Variants in FAM186B observed in about 807,000 individuals in gnomAD.
FAM186B encodes protein FAM186B.
A neutral mutation model predicts 83.4 loss-of-function variants in FAM186B; 68 were observed. The observed-to-expected ratio is 0.81, with a 90% confidence interval of 0.67 to 1.00. The LOEUF (loss-of-function observed/expected upper bound fraction) is 1.00, where lower values mean the gene tolerates loss of function less well. Among genes scored for constraint, FAM186B ranks in the 50% least tolerant of loss-of-function variants. The pLI, the probability that FAM186B is intolerant of heterozygous loss-of-function variation, is 0.00. For synonymous variants in FAM186B, 389 were observed against 422.0 expected, an observed-to-expected ratio of 0.92 and a Z score of 0.96; for missense variants, 983 against 1,099.2, an observed-to-expected ratio of 0.89 and a Z score of 1.49.
At chr12:49,608,334 C>A (rs1592559665), upstream of FAM186B, among the ~76,000 whole-genome samples, 1 of 150,524 alleles carries the variant, frequency 6.6e-6, no homozygotes, top group South Asian at 2.1e-4. Flanking sequence ...CTACTAAAAA[C>A]ATAAAAATTA....
In FAM186B at chr12:49,598,743, C is replaced by T. The variant is rs200370976; in HGVS notation, c.2364+12G>A. ...AGGCGGAGTGGCGGGGGGGTCAGGG[C>T]GGGAGGCCCACCTTGGGGAACATGG... is the stretch of plus-strand genomic sequence containing the variant. On this transcript the variant is annotated intron_variant, in intron 5 of 6. Coordinates refer to ENST00000257894, the MANE Select transcript of FAM186B (RefSeq NM_032130.3). The T allele has an allele frequency of 1.4e-5, 21 of 1,550,816 alleles. No individual in the cohort carries two copies. Among genetic ancestry groups the T allele is most frequent in the East Asian group, 4.6e-5 (2 of 43,260 alleles).
downstream of FAM186B, chr12:49,583,339 T>TA (rs1458738201): frequency 1.6e-5 from 4 of 244,858 alleles, no homozygotes; most frequent in African/African-American, 8.9e-5. Context: ...AACTTACTCA[T>TA]AGCCAGTTAA....
At chr12:49,607,922 A>G (rs7306877), upstream of FAM186B, among the ~76,000 whole-genome samples, 37,910 of 150,792 alleles carry the variant, frequency 0.25, 7,681 homozygotes, top group African/African-American at 0.57. Flanking sequence ...CTGCTCTCAA[A>G]CTCCTGACCC....
chr12:49,606,560 A>G (rs1940027999), upstream of FAM186B, among the ~76,000 whole-genome samples: 1 of 152,066 alleles, frequency 6.6e-6, no homozygotes, highest in African/African-American at 2.4e-5. Flanking sequence ...CCATAATGCT[A>G]AAGATGTCAA....
upstream of FAM186B, among the ~76,000 whole-genome samples, chr12:49,607,259 G>A (rs1940042105): frequency 6.6e-6 from 1 of 152,074 alleles, no homozygotes; most frequent in Non-Finnish European, 1.5e-5. Context: ...AAAATCTGAT[G>A]TTTTGAAAAG....
intron 6 of FAM186B, 76 bp downstream of exon 6, chr12:49,588,378 C>T: frequency 6.6e-7 from 1 of 1,507,786 alleles, no homozygotes; most frequent in South Asian, 1.3e-5. Flanking sequence ...CACTGCCCAC[C>T]TCCCCAGGCT....
Position 49,604,361 on chromosome 12 carries a change from T to A in FAM186B, c.274A>T (p.Met92Leu). 2 of 1,614,254 alleles carry A rather than the reference T, an allele frequency of 1.2e-6. No homozygotes were observed. The highest frequency in any genetic ancestry group is 1.7e-6 in the Non-Finnish European group (2 of 1,180,034). ...KIASFSKDAM[M>L]KEKHLYDILR... ...ATGTCATACAGGTGCTTCTCCTTCATCATAGCATCTTTGGAGAAGGAGGCA... is the reference window on the plus strand; with the variant it reads ...ATGTCATACAGGTGCTTCTCCTTCAACATAGCATCTTTGGAGAAGGAGGCA... Residue 92 changes from methionine (M) to leucine (L), a missense_variant, in exon 2 of 7, where the codon ATG becomes TTG. Transcript: ENST00000257894.
chr12:49,602,771 A>G (rs1462212350), intron 3 of FAM186B, among the ~76,000 whole-genome samples: 1 of 152,160 alleles, frequency 6.6e-6, no homozygotes, highest in Non-Finnish European at 1.5e-5. Context: ...AGGTTCAGCT[A>G]TTTGCTGATG....
chr12:49,587,449 A>G (rs1468650497), downstream of FAM186B: 6 of 1,052,908 alleles, frequency 5.7e-6, no homozygotes, highest in Non-Finnish European at 7.0e-6. Context: ...GCCGCCGAGC[A>G]AAGGAACCAG....
At chr12:49,601,792 T>C (rs1939901618) in intron 3 of FAM186B, among the ~76,000 whole-genome samples, 1 of 152,022 alleles carries the variant, frequency 6.6e-6, no homozygotes, top group Non-Finnish European at 1.5e-5. Flanking sequence ...TTGTACCCCC[T>C]TGGACCTACT....
At chr12:49,616,183 C>T in the FAM186B span, among the ~76,000 whole-genome samples, 1 of 152,088 alleles carries the variant, frequency 6.6e-6, no homozygotes. Flanking sequence ...GTGCCCGCCA[C>T]CATGCTCGGC....
At chr12:49,593,361 T>G (rs535762633) in intron 5 of FAM186B, 1 of 152,190 alleles carries the variant, frequency 6.6e-6, no homozygotes, top group East Asian at 1.9e-4. Flanking sequence ...CGGCCGGGTG[T>G]GGGTGGCTCA....
rs117979208 is a variant in FAM186B, at chr12:49,589,349, C to T, written c.2365-726G>A. 3.0e-4 allele frequency among the ~76,000 whole-genome samples: 46 copies of T among 152,292 alleles called. No individual in the cohort carries two copies. In the East Asian group the frequency reaches 7.7e-3, roughly 26 times the overall value. On this transcript the variant is annotated intron_variant, in intron 5 of 6. Transcript: ENST00000257894. ...CCCTCCAAGCTGCCCCTAGGGACCA[C>T]GTCGGCACTTGCTGCTTTTCTGCTC...
In FAM186B at chr12:49,599,755, G is replaced by T; in HGVS notation, c.1885C>A (p.Pro629Thr). 1 of 1,614,152 alleles carries T rather than the reference G, an allele frequency of 6.2e-7. No homozygotes were observed. Among genetic ancestry groups the T allele is most frequent in the Non-Finnish European group, 8.5e-7 (1 of 1,180,018 alleles). The change falls in exon 4 of 7, where the codon CCC becomes ACC. Residue 629 changes from proline to threonine, a missense_variant. Physicochemically the swap from Pro to Thr is conservative, Grantham distance 38. Transcript: ENST00000257894. ...ACAGGAAAGGAGGCAGATTTCTTGG[G>T]CTTTGTGGGAACTCGGCGGGTCCGT... ...RPRTRRVPTK[P>T]KKSASFPVTG...
Position 49,599,557 on chromosome 12 carries a change from G to A in FAM186B, c.2083C>T (p.Leu695Phe), listed in dbSNP as rs1485480740. The change falls in exon 4 of 7, where the codon CTC becomes TTC. Residue 695 changes from leucine to phenylalanine, a missense_variant. By Grantham distance (22) the Leu-to-Phe change is conservative. Coordinates refer to ENST00000257894, the MANE Select transcript of FAM186B (RefSeq NM_032130.3). ...CCCAGCTCCATGGTGGTGGTGGTGA[G>A]CTCCAGTGCTTTGCTGCGCAGGTAG... ...PHYLRSKALELTTTTMELGAL... is the reference protein window; with the variant it reads ...PHYLRSKALEFTTTTMELGAL... 6.2e-7 allele frequency: 1 copy of A among 1,611,384 alleles called. No homozygotes were observed. The highest frequency in any genetic ancestry group is 2.2e-5 in the East Asian group (1 of 44,886).
the FAM186B span, among the ~76,000 whole-genome samples, chr12:49,622,019 T>TAAAGA: frequency 6.6e-6 from 1 of 152,220 alleles, no homozygotes; most frequent in East Asian, 1.9e-4. Flanking sequence ...AATATTTCAT[T>TAAAGA]AAAGAAAAGA....
upstream of FAM186B, chr12:49,605,753 C>CTTTTTTTTT (rs200117345): frequency 8.7e-6 from 2 of 228,830 alleles, no homozygotes; most frequent in African/African-American, 2.8e-5. Context: ...GACTTGTTGC[C>CTTTTTTTTT]TTTTCTTTTT....
At chr12:49,603,107 G>T in intron 3 of FAM186B, 78 bp downstream of exon 3, 1 of 1,490,178 alleles carries the variant, frequency 6.7e-7, no homozygotes, top group Non-Finnish European at 9.3e-7. Flanking sequence ...AAGACCCCAG[G>T]CCCAGCCTCT....
At chr12:49,606,959 A>G (rs760882809), upstream of FAM186B, among the ~76,000 whole-genome samples, 18 of 152,246 alleles carry the variant, frequency 1.2e-4, no homozygotes, top group Non-Finnish European at 2.6e-4. Context: ...CTATAAATCA[A>G]TAATTGAGAG....
Sources: allele counts gnomAD v4.1 joint callset (sites outside exome capture counted in the v4.1 genomes callset), GRCh38; gene constraint gnomAD v4.1.1; transcripts MANE v1.5; gene names NCBI Gene and HGNC (gene_info 2026-07-23, HGNC 2026-07-21).